Variants in LDB2 observed in about 807,000 individuals in gnomAD.
The protein encoded by LDB2 is LIM domain-binding protein 2.
In LDB2, 12 loss-of-function variants were observed where a neutral mutation model predicts 44.3. The observed-to-expected ratio is 0.27, with a 90% CI of 0.17 to 0.44. The LOEUF (loss-of-function observed/expected upper bound fraction) is 0.44, where lower values mean the gene tolerates loss of function less well. Among genes scored for constraint, LDB2 ranks in the 20% least tolerant of loss-of-function variants. The pLI is 1.00. For missense variants in LDB2, 344 were observed against 473.5 expected (o/e 0.73, Z 2.54); for synonymous variants, 164 against 174.8 (o/e 0.94, Z 0.49).
rs764842270 is a variant in LDB2 at position 16,502,635 on chromosome 4, C to T, written c.*8G>A. 1.3e-5 allele frequency: 21 copies of T among 1,612,778 alleles called. No individual in the cohort carries two copies. The highest frequency in any genetic ancestry group is 1.6e-4 in the Middle Eastern group (1 of 6,076). ...GCCTATTGACAGTGGATTCTGGTGC[C>T]GATCATCTTATTGGGAAGCCTGGGG... On this transcript the variant is annotated 3_prime_UTR_variant, in exon 8 of 8. Coordinates refer to ENST00000304523, the MANE Select transcript of LDB2 (RefSeq NM_001290.5).
intron 5 of LDB2, among the ~76,000 whole-genome samples, chr4:16,515,714 A>G (rs189743924): frequency 6.6e-6 from 1 of 152,198 alleles, no homozygotes; most frequent in Non-Finnish European, 1.5e-5. Context: ...AACATTTTCA[A>G]ATTATTTTCA....
At chr4:16,777,454 C>A (rs1772185549) in intron 1 of LDB2, among the ~76,000 whole-genome samples, 1 of 152,118 alleles carries the variant, frequency 6.6e-6, no homozygotes, top group Non-Finnish European at 1.5e-5. Flanking sequence ...CTCATCCAGG[C>A]ATTGGAAGCT....
chr4:16,662,981 G>A (rs919202261), intron 2 of LDB2, among the ~76,000 whole-genome samples: 5 of 151,856 alleles, frequency 3.3e-5, no homozygotes, highest in East Asian at 1.9e-4. Flanking sequence ...CTCCTTCCCC[G>A]AAAATCTGCT....
intron 1 of LDB2, among the ~76,000 whole-genome samples, chr4:16,880,398 A>G (rs1219448527): frequency 1.3e-5 from 2 of 152,310 alleles, no homozygotes; most frequent in East Asian, 3.9e-4. Flanking sequence ...TCTGCCAGGA[A>G]GACCAGGAAG....
intron 2 of LDB2, among the ~76,000 whole-genome samples, chr4:16,641,629 G>A (rs751053185): frequency 6.6e-6 from 1 of 152,126 alleles, no homozygotes; most frequent in Non-Finnish European, 1.5e-5. Context: ...TGAACTCAGA[G>A]TAAGAAGTCG....
chr4:16,705,679 A>T (rs1426201263), intron 2 of LDB2, among the ~76,000 whole-genome samples: 1 of 152,216 alleles, frequency 6.6e-6, no homozygotes, highest in Non-Finnish European at 1.5e-5. Context: ...ACAACAGCTG[A>T]GCAACGTGCT....
Position 16,595,804 on chromosome 4 carries a change from T to G in LDB2, c.307A>C (p.Ile103Leu). The G allele has an allele frequency of 6.2e-7, 1 of 1,613,630 alleles. No individual in the cohort carries two copies. The highest frequency in any genetic ancestry group is 1.1e-5 in the South Asian group (1 of 91,034). The part of the protein sequence containing the change: ...FEGGVTDLYY[I>L]LKHSKESYHN... The stretch of plus-strand genomic sequence containing the variant: ...TATGACTCTTTCGAGTGTTTGAGAA[T>G]GTAATACAGGTCGGTCACCCCTCCT... Residue 103 changes from isoleucine to leucine, a missense_variant, in exon 3 of 8, where the codon ATT becomes CTT. By Grantham distance (5) the Ile-to-Leu change is conservative. Transcript: ENST00000304523.
chr4:16,712,407 C>T (rs755874549), intron 2 of LDB2, among the ~76,000 whole-genome samples: 1 of 152,006 alleles, frequency 6.6e-6, no homozygotes, highest in Admixed American at 6.6e-5. Flanking sequence ...TGAAAATTAG[C>T]TGGGCATGGT....
In LDB2 at chr4:16,559,161, T is replaced by G. The variant is rs953932349; in HGVS notation, c.615+26761A>C. Among the ~76,000 whole-genome samples the G allele has an allele frequency of 2.0e-4, 30 of 152,094 alleles. 1 individual carries two copies. The highest frequency in any genetic ancestry group is 1.4e-3 in the Admixed American group (22 of 15,262). ...CTAGGAAGAAACTGCATCAACTAAC[T>G]AGCAAAATAACCAGCTAACATCATA... On this transcript the variant is annotated intron_variant, in intron 5 of 7. Transcript: ENST00000304523.
At chr4:16,538,441 A>G (rs1454073015) in intron 5 of LDB2, among the ~76,000 whole-genome samples, 1 of 152,236 alleles carries the variant, frequency 6.6e-6, no homozygotes, top group Non-Finnish European at 1.5e-5. Context: ...AAAACAAAAC[A>G]AAACAAAACA....
intron 2 of LDB2, among the ~76,000 whole-genome samples, chr4:16,662,758 T>G (rs1375676466): frequency 6.6e-6 from 1 of 152,070 alleles, no homozygotes; most frequent in Non-Finnish European, 1.5e-5. Context: ...AAGACGCGTC[T>G]TTGTTCCTCG....
intron 5 of LDB2, among the ~76,000 whole-genome samples, chr4:16,537,994 C>T (rs1216080393): frequency 6.6e-6 from 1 of 152,180 alleles, no homozygotes; most frequent in East Asian, 1.9e-4. Flanking sequence ...TGCTTTATCC[C>T]TTTTGGCATC....
intron 1 of LDB2, among the ~76,000 whole-genome samples, chr4:16,821,681 G>A (rs566387335): frequency 7.8e-4 from 108 of 138,620 alleles, no homozygotes; most frequent in African/African-American, 2.7e-3. Context: ...GAGCCACCGC[G>A]CCCGGCCGGA....
intron 1 of LDB2, among the ~76,000 whole-genome samples, chr4:16,836,384 A>T (rs773263176): frequency 1.3e-5 from 2 of 152,232 alleles, no homozygotes; most frequent in African/African-American, 2.4e-5. Context: ...ATTTGAAATC[A>T]TATGAACATC....
intron 5 of LDB2, among the ~76,000 whole-genome samples, chr4:16,537,035 A>T (rs1192862752): frequency 6.6e-6 from 1 of 152,092 alleles, no homozygotes; most frequent in Non-Finnish European, 1.5e-5. Flanking sequence ...AGGTTTTTAC[A>T]GTTTACGTTT....
intron 5 of LDB2, among the ~76,000 whole-genome samples, chr4:16,573,412 C>G (rs1445319693): frequency 6.6e-6 from 1 of 152,116 alleles, no homozygotes; most frequent in Non-Finnish European, 1.5e-5. Context: ...TGGTCTATAT[C>G]CCAGTCAATG....
intron 2 of LDB2, among the ~76,000 whole-genome samples, chr4:16,708,109 A>G (rs142269581): frequency 0.011 from 1,669 of 152,200 alleles, 30 homozygotes; most frequent in African/African-American, 0.037. Context: ...GTGGTAATTC[A>G]TCTTTCACTG....
chr4:16,523,512 G>T (rs1428906337), intron 5 of LDB2, among the ~76,000 whole-genome samples: 2 of 152,154 alleles, frequency 1.3e-5, no homozygotes, highest in Non-Finnish European at 2.9e-5. Flanking sequence ...ATTAATTAAA[G>T]TAATGGTTAC....
chr4:16,867,747 G>A (rs1355667063), intron 1 of LDB2, among the ~76,000 whole-genome samples: 1 of 152,186 alleles, frequency 6.6e-6, no homozygotes. Flanking sequence ...TGGTGAAGAA[G>A]TGATCTATAA....
Sources: gnomAD v4.1 joint callset for allele counts (sites outside exome capture counted in the v4.1 genomes callset) on GRCh38, gnomAD v4.1.1 for gene constraint, MANE v1.5 for transcripts, NCBI Gene and HGNC (gene_info 2026-07-23, HGNC 2026-07-21) for gene names.